ENTREP2: variants seen among roughly 807,000 people sequenced by gnomAD.
The protein encoded by ENTREP2 is protein ENTREP2.
At chr15:29,533,908 A>C in the ENTREP2 span, among the ~76,000 whole-genome samples, 1 of 152,036 alleles carries the variant, frequency 6.6e-6, no homozygotes, top group Non-Finnish European at 1.5e-5. Context: ...AACAGGACAG[A>C]GTTTGGGTTT....
At chr15:29,647,884 A>G in the ENTREP2 span, among the ~76,000 whole-genome samples, 1 of 152,164 alleles carries the variant, frequency 6.6e-6, no homozygotes, top group African/African-American at 2.4e-5. Flanking sequence ...CTCCACCAAC[A>G]GGCACACTCT....
chr15:29,597,386 T>C, the ENTREP2 span, among the ~76,000 whole-genome samples: 1 of 151,918 alleles, frequency 6.6e-6, no homozygotes. Context: ...CTGGCCAACA[T>C]GGAGAAACCC....
chr15:29,657,359 G>A, the ENTREP2 span, among the ~76,000 whole-genome samples: 13 of 150,868 alleles, frequency 8.6e-5, no homozygotes, highest in African/African-American at 3.2e-4. Context: ...AGACGGCAGT[G>A]TTACAGTTCT....
At chr15:29,475,936 G>A in the ENTREP2 span, among the ~76,000 whole-genome samples, 1 of 152,196 alleles carries the variant, frequency 6.6e-6, no homozygotes, top group South Asian at 2.1e-4. Context: ...CTTGTTCATA[G>A]TAAGATCTGC....
At chr15:29,651,376 T>C in the ENTREP2 span, among the ~76,000 whole-genome samples, 1 of 152,210 alleles carries the variant, frequency 6.6e-6, no homozygotes. Flanking sequence ...CTAGAGACAT[T>C]CTGGAAAGGA....
the ENTREP2 span, among the ~76,000 whole-genome samples, chr15:29,551,373 G>A: frequency 6.6e-6 from 1 of 152,152 alleles, no homozygotes; most frequent in East Asian, 1.9e-4. Context: ...CTGCCCATCG[G>A]TGAGATTTGG....
chr15:29,594,797 T>C, the ENTREP2 span, among the ~76,000 whole-genome samples: 2 of 152,202 alleles, frequency 1.3e-5, no homozygotes, highest in Non-Finnish European at 2.9e-5. Flanking sequence ...GCCCCCTCTC[T>C]ACTAAAAATT....
chr15:29,458,936 G>A, the ENTREP2 span, among the ~76,000 whole-genome samples: 1 of 152,176 alleles, frequency 6.6e-6, no homozygotes, highest in African/African-American at 2.4e-5. Context: ...ACTTGCTAAT[G>A]GCAGGCGTGG....
the ENTREP2 span, among the ~76,000 whole-genome samples, chr15:29,199,511 T>C: frequency 1.2e-4 from 19 of 152,144 alleles, no homozygotes; most frequent in Non-Finnish European, 2.8e-4. Context: ...GAACGCTTGA[T>C]GGGTAGGACT....
chr15:29,419,408 A>G, the ENTREP2 span, among the ~76,000 whole-genome samples: 1 of 152,194 alleles, frequency 6.6e-6, no homozygotes, highest in African/African-American at 2.4e-5. Flanking sequence ...GTAAACAGCA[A>G]GACAGGTCAA....
the ENTREP2 span, among the ~76,000 whole-genome samples, chr15:29,343,649 C>G: frequency 6.6e-6 from 1 of 151,898 alleles, no homozygotes; most frequent in East Asian, 1.9e-4. Context: ...TCTGGAGAAC[C>G]CTGATTAACA....
At chr15:29,172,558 G>C in the ENTREP2 span, among the ~76,000 whole-genome samples, 1 of 152,064 alleles carries the variant, frequency 6.6e-6, no homozygotes, top group Non-Finnish European at 1.5e-5. Flanking sequence ...AATAAGTAGA[G>C]CCCGGGGTGA....
chr15:29,588,557 A>G, the ENTREP2 span, among the ~76,000 whole-genome samples: 1 of 92,948 alleles, frequency 1.1e-5, no homozygotes, highest in African/African-American at 5.8e-5. Flanking sequence ...AGAGAGAGAG[A>G]GAGAGAGAGA....
At chr15:29,496,720 T>G in the ENTREP2 span, among the ~76,000 whole-genome samples, 1 of 152,338 alleles carries the variant, frequency 6.6e-6, no homozygotes, top group African/African-American at 2.4e-5. Context: ...TGTACCACAC[T>G]TATTGATTAT....
At chr15:29,383,519 C>T in the ENTREP2 span, among the ~76,000 whole-genome samples, 96 of 152,288 alleles carry the variant, frequency 6.3e-4, no homozygotes, top group African/African-American at 2.3e-3. Context: ...AAATTGCTCA[C>T]GCTTGCCACT....
At chr15:29,608,193 C>T in the ENTREP2 span, among the ~76,000 whole-genome samples, 1 of 152,168 alleles carries the variant, frequency 6.6e-6, no homozygotes, top group African/African-American at 2.4e-5. Context: ...CACAGACACA[C>T]CCAGGATCAA....
chr15:29,532,753 A>G, the ENTREP2 span, among the ~76,000 whole-genome samples: 1 of 152,376 alleles, frequency 6.6e-6, no homozygotes, highest in South Asian at 2.1e-4. Flanking sequence ...GAGACTGCCA[A>G]TAGAATTGAT....
chr15:29,311,002 G>A, the ENTREP2 span, among the ~76,000 whole-genome samples: 2 of 152,042 alleles, frequency 1.3e-5, no homozygotes, highest in African/African-American at 4.8e-5. Context: ...GGGAAGGTGT[G>A]AGATCTCCAC....
At chr15:29,222,372 CAA>C in the ENTREP2 span, among the ~76,000 whole-genome samples, 3 of 152,176 alleles carry the variant, frequency 2.0e-5, no homozygotes, top group Non-Finnish European at 2.9e-5. Flanking sequence ...TGAAAATGGG[CAA>C]CCAGCATCCC....
Sources: gnomAD v4.1 joint callset for allele counts (sites outside exome capture counted in the v4.1 genomes callset) on GRCh38, gnomAD v4.1.1 for gene constraint, MANE v1.5 for transcripts, NCBI Gene and HGNC (gene_info 2026-07-23, HGNC 2026-07-21) for gene names.